The following PER2 variants were observed in gnomAD, a reference collection of about 807,000 sequenced individuals.
PER2 encodes period circadian regulator 2.
A neutral mutation model predicts 121.0 loss-of-function variants in PER2; 66 were observed. The observed-to-expected ratio is 0.55, with a 90% confidence interval of 0.45 to 0.67. The LOEUF (loss-of-function observed/expected upper bound fraction) is 0.67, where lower values mean the gene tolerates loss of function less well. PER2 is among the 30% of genes least tolerant of loss of function. The pLI, the probability that PER2 is intolerant of heterozygous loss-of-function variation, is 0.00. For missense variants in PER2, 1,521 were observed against 1,635.0 expected (o/e 0.93, Z 1.20); for synonymous variants, 684 against 659.9 (o/e 1.04, Z -0.56).
At chr2:238,255,999 T>G in intron 17 of PER2, 88 bp from the exon 18 acceptor site, 1 of 1,502,898 alleles carries the variant, frequency 6.7e-7, no homozygotes, top group Non-Finnish European at 9.2e-7. Flanking sequence ...AGACAAATCA[T>G]TCACGTATAA....
At chr2:238,285,111 A>G (rs1042735254) in intron 1 of PER2, among the ~76,000 whole-genome samples, 1 of 152,270 alleles carries the variant, frequency 6.6e-6, no homozygotes, top group African/African-American at 2.4e-5. Context: ...CCAAAAGCCA[A>G]CATGAGCCTC....
At position 238,273,129 on chromosome 2, in the gene PER2, G is replaced by A. The variant is rs200383888; in HGVS notation, c.511C>T (p.Pro171Ser). The change falls in exon 5 of 23, where the codon CCC (proline) becomes TCC (serine). Residue 171 changes from proline to serine, a missense_variant. Coordinates refer to ENST00000254657, the MANE Select transcript of PER2 (RefSeq NM_022817.3). ...SEGHPCGADV[P>S]SYTVEEMESV... The stretch of plus-strand genomic sequence containing the variant: ...TCCATCTCCTCCACGGTGTAGGAGG[G>A]CACGTCTGCTCCACAGGGGTGACCC... 7.8e-5 allele frequency: 125 copies of A among 1,612,080 alleles called. No homozygotes were observed. The highest frequency in any genetic ancestry group is 9.9e-5 in the Non-Finnish European group (117 of 1,178,258).
Position 238,253,174 on chromosome 2 carries a change from G to A in PER2, c.2849C>T (p.Pro950Leu), listed in dbSNP as rs986844894. The change falls in exon 19 of 23, where the codon CCC (proline) becomes CTC (leucine). Residue 950 changes from proline (P) to leucine (L), a missense_variant. Coordinates refer to ENST00000254657, the MANE Select transcript of PER2 (RefSeq NM_022817.3). The surrounding 1 kb of genome is among the most constrained non-coding windows in gnomAD (Gnocchi z 5.6). ...EMASASQPEF[P>L]SRTSIPRQPC... ...CTGTCTGGGGATCGAGGTCCGGCTG[G>A]GGAACTCAGGCTGTGAGGCAGAGGC... 1 of 1,595,116 alleles carries A rather than the reference G, an allele frequency of 6.3e-7. No individual in the cohort carries two copies. Among genetic ancestry groups the A allele is most frequent in the Admixed American group, 1.7e-5 (1 of 59,230 alleles).
intron 9 of PER2, among the ~76,000 whole-genome samples, chr2:238,264,299 A>G (rs909468191): frequency 6.6e-6 from 1 of 152,224 alleles, no homozygotes; most frequent in Admixed American, 6.5e-5. Context: ...CTGGTTCCAC[A>G]GGGCAGGGTG....
the PER2 span, chr2:238,295,975 T>C: frequency 3.9e-6 from 1 of 259,594 alleles, no homozygotes; most frequent in African/African-American, 2.4e-5. Context: ...ATGAAGCAAA[T>C]GGTAGGTCAG....
At chr2:238,283,554 T>C (rs1574862055) in intron 1 of PER2, among the ~76,000 whole-genome samples, 2 of 152,174 alleles carry the variant, frequency 1.3e-5, no homozygotes, top group South Asian at 4.1e-4. Flanking sequence ...CTGAGGAAGG[T>C]GCACGAGGCT....
chr2:238,258,616 C>T lies in PER2; in HGVS notation c.1656G>A (p.Lys552=), dbSNP rs759690834. ...TEMQTNPPAE[K]KAVPAMEKDS... is the part of the protein sequence containing the mutation. ...CCTTTTCCATGGCAGGGACAGCTTTCTTCTCAGCTGGGGGATTAGTTTGCA... is the reference window on the plus strand; with the variant it reads ...CCTTTTCCATGGCAGGGACAGCTTTTTTCTCAGCTGGGGGATTAGTTTGCA... Residue 552 remains lysine (K), a synonymous_variant, in exon 15 of 23, where the codon AAG becomes AAA. Transcript: ENST00000254657. 6.2e-7 allele frequency: 1 copy of T among 1,614,116 alleles called. No homozygotes were observed. Among genetic ancestry groups the T allele is most frequent in the South Asian group, 1.1e-5 (1 of 91,082 alleles).
upstream of PER2, chr2:238,288,993 C>T (rs1022275842): frequency 6.6e-6 from 1 of 152,248 alleles, no homozygotes; most frequent in South Asian, 2.1e-4. Flanking sequence ...AGACGCGGCG[C>T]GTTCGTGCTA....
Position 238,252,991 on chromosome 2 carries a change from C to T in PER2, c.3032G>A (p.Gly1011Glu). The T allele has an allele frequency of 6.2e-7, 1 of 1,614,038 alleles. No individual in the cohort carries two copies. The highest frequency in any genetic ancestry group is 1.3e-5 in the African/African-American group (1 of 75,050). ...CCCTACAGCTGCTGTCTCTGTGGCC[C>T]CTGTGGTCCCCATGGCTCCAGTGCC... ...EGGTGAMGTT[G>E]ATETAAVGAD... The change falls in exon 19 of 23, where the codon GGG (glycine) becomes GAG (glutamate). Residue 1011 changes from glycine to glutamate, a missense_variant. Transcript: ENST00000254657. The surrounding 1 kb of genome is among the most constrained non-coding windows in gnomAD (Gnocchi z 4.2).
rs542412105 is a variant in PER2, at chr2:238,248,894, A to G, written c.3618+168T>C. ...ATGGTCTCGATCTCCTGACCTCGTG[A>G]TCCACCCGCTTCGGCCTCCCAAAGT... On this transcript the variant is annotated intron_variant, in intron 22 of 22. Coordinates refer to ENST00000254657, the MANE Select transcript of PER2 (RefSeq NM_022817.3). The G allele has an allele frequency of 1.2e-5, 9 of 740,776 alleles. No homozygotes were observed. The South Asian group carries it at 1.2e-4, about 10-fold the overall frequency. The allele number at this position is 740,776 out of a possible 1,614,324, so 45.9% of individuals were successfully genotyped here. A position where few individuals can be genotyped will look rare whatever the true frequency, so the allele number is the denominator to read the frequency against.
rs377021748 is a variant in PER2 at position 238,277,106 on chromosome 2, T to C, written c.293+25A>G. The stretch of plus-strand genomic sequence containing the variant: ...TCTTTCAATTTCTCTAAAACCTCTA[T>C]GTATGAAGTTCTAATTGGCCTTACC... On this transcript the variant is annotated intron_variant, in intron 3 of 22. Transcript: ENST00000254657. The C allele has an allele frequency of 9.9e-6, 15 of 1,520,544 alleles. No individual in the cohort carries two copies. The African/African-American group carries it at 1.4e-4, about 14-fold the overall frequency. The allele number at this position is 1,520,544 out of a possible 1,614,324, so 94.2% of individuals were successfully genotyped here.
At chr2:238,267,077 C>G (rs1696136004) in intron 8 of PER2, among the ~76,000 whole-genome samples, 1 of 147,010 alleles carries the variant, frequency 6.8e-6, no homozygotes, top group Admixed American at 6.8e-5. Context: ...AAAAAGCTGT[C>G]ATTCACCACA....
In PER2 at chr2:238,245,920, T is replaced by C. The variant is rs1695435246; in HGVS notation, c.*455A>G. On this transcript the variant is annotated 3_prime_UTR_variant, in exon 23 of 23. Coordinates refer to ENST00000254657, the MANE Select transcript of PER2 (RefSeq NM_022817.3). ...AAAAAAACACTCTACCTTGACTAAA[T>C]GATAATTCAGATAAAAAGCAGTCCC... The C allele has an allele frequency of 3.1e-6, 1 of 323,342 alleles. No homozygotes were observed. Among genetic ancestry groups the C allele is most frequent in the Non-Finnish European group, 5.6e-6 (1 of 179,696 alleles). 20.0% of individuals were successfully genotyped at this position (323,342 alleles called of 1,614,324 possible). A position where few individuals can be genotyped will look rare whatever the true frequency, so the allele number is the denominator to read the frequency against.
At chr2:238,265,984 ACCTCCG>A (rs1306733532) in intron 8 of PER2, among the ~76,000 whole-genome samples, 15 of 151,530 alleles carry the variant, frequency 9.9e-5, no homozygotes, top group African/African-American at 3.6e-4. Flanking sequence ...GCTCATTGCA[ACCTCCG>A]CCTCCGAGGT....
chr2:238,255,382 T>C (rs930708823), intron 18 of PER2: 11 of 534,768 alleles, frequency 2.1e-5, no homozygotes, highest in Admixed American at 3.2e-5. Context: ...AGGCAAGAAA[T>C]GTGGACATGG....
rs1695738415 is a variant in PER2, at chr2:238,255,700, A to G, written c.2277T>C (p.His759=). ...RKLSIFQSHC[H]YYLQERSKGQ... The stretch of plus-strand genomic sequence containing the variant: ...CCTTGGATCTTTCTTGCAAGTAGTA[A>G]TGGCAGTGGGACTGGAAAATGCTGA... The change falls in exon 18 of 23, where the codon CAT becomes CAC. Residue 759 remains histidine, a synonymous_variant. Coordinates refer to ENST00000254657, the MANE Select transcript of PER2 (RefSeq NM_022817.3). 6.2e-7 allele frequency: 1 copy of G among 1,614,076 alleles called. No individual in the cohort carries two copies. The highest frequency in any genetic ancestry group is 1.7e-5 in the Admixed American group (1 of 60,014).
Position 238,287,756 on chromosome 2 carries a change from A to C in PER2, c.-20+593T>G, listed in dbSNP as rs183442499. ...TGTTCTGTATGAATCAGCTTTCCAA[A>C]CGGGTTCCTTCTGTGTAGGTTACAG... is the stretch of plus-strand genomic sequence containing the variant. On this transcript the variant is annotated intron_variant, in intron 1 of 22. Coordinates refer to ENST00000254657, the MANE Select transcript of PER2 (RefSeq NM_022817.3). Among the ~76,000 whole-genome samples the C allele has an allele frequency of 4.7e-4, 71 of 152,164 alleles. 1 individual carries two copies. Among genetic ancestry groups the C allele is most frequent in the African/African-American group, 1.6e-3 (66 of 41,502 alleles).
upstream of PER2, among the ~76,000 whole-genome samples, chr2:238,293,980 A>C (rs1697004155): frequency 6.6e-6 from 1 of 152,098 alleles, no homozygotes; most frequent in Non-Finnish European, 1.5e-5. Flanking sequence ...AGTACCCCTC[A>C]CTGTCCTGAA....
intron 6 of PER2, 52 bp downstream of exon 6, chr2:238,271,260 T>G: frequency 6.5e-7 from 1 of 1,530,116 alleles, no homozygotes; most frequent in South Asian, 1.1e-5. Flanking sequence ...GCCCAGCTCC[T>G]GGCCCCTTTC....
Sources: allele counts gnomAD v4.1 joint callset (sites outside exome capture counted in the v4.1 genomes callset), GRCh38; gene constraint gnomAD v4.1.1; non-coding constraint Gnocchi (gnomAD v3.1); transcripts MANE v1.5; gene names NCBI Gene and HGNC (gene_info 2026-07-23, HGNC 2026-07-21).